Variants in MAP3K20 observed in about 807,000 individuals in gnomAD.
The protein encoded by MAP3K20 is mitogen-activated protein kinase kinase kinase 20.
In MAP3K20, 40 loss-of-function variants were observed where a neutral mutation model predicts 85.7. The ratio of observed to expected loss-of-function variants is 0.47; its 90% CI spans 0.36 to 0.61. The LOEUF (loss-of-function observed/expected upper bound fraction) is 0.61, where lower values mean the gene tolerates loss of function less well. Ranked by LOEUF, MAP3K20 falls within the 20% of genes least tolerant of loss-of-function variation. The probability of loss-of-function intolerance (pLI) is 0.00; values close to 1 mark genes in which losing one functional copy is unlikely to be tolerated. For synonymous variants in MAP3K20, 325 were observed against 327.7 expected (o/e 0.99, Z 0.09); for missense variants, 817 against 961.7 (o/e 0.85, Z 1.99).
chr2:173,098,751 A>G (rs1687539370), intron 2 of MAP3K20, among the ~76,000 whole-genome samples: 1 of 152,200 alleles, frequency 6.6e-6, no homozygotes. Flanking sequence ...ATAATCTCAT[A>G]TAAAATTTTT....
intron 2 of MAP3K20, among the ~76,000 whole-genome samples, chr2:173,104,959 C>A (rs189591172): frequency 6.6e-6 from 1 of 152,096 alleles, no homozygotes; most frequent in African/African-American, 2.4e-5. Context: ...AGGGGGCCAT[C>A]GTAGCTGGAG....
chr2:173,082,784 C>A (rs1687046862), intron 1 of MAP3K20, among the ~76,000 whole-genome samples: 1 of 152,252 alleles, frequency 6.6e-6, no homozygotes. Context: ...ACACAACAAG[C>A]CCACGCAGCG....
At chr2:173,194,473 T>C (rs1690760490) in intron 7 of MAP3K20, among the ~76,000 whole-genome samples, 1 of 152,102 alleles carries the variant, frequency 6.6e-6, no homozygotes, top group South Asian at 2.1e-4. Context: ...GTGTTCAAAG[T>C]AGATGTTATA....
chr2:173,217,287 G>C (rs955467751), intron 11 of MAP3K20, 37 bp downstream of exon 11: 2 of 1,481,946 alleles, frequency 1.3e-6, no homozygotes, highest in East Asian at 4.9e-5. Flanking sequence ...TTCCACATGC[G>C]GCTCTAGGCT....
chr2:173,200,140 G>A (rs960677854), intron 8 of MAP3K20, among the ~76,000 whole-genome samples: 7 of 152,046 alleles, frequency 4.6e-5, no homozygotes, highest in African/African-American at 1.7e-4. Flanking sequence ...AGTAAAATTG[G>A]GTATTACAAG....
chr2:173,182,957 T>A lies in MAP3K20; in HGVS notation c.349+2T>A, dbSNP rs1690372849. The A allele has an allele frequency of 6.2e-7, 1 of 1,601,090 alleles. No homozygotes were observed. Among genetic ancestry groups the A allele is most frequent in the African/African-American group, 1.3e-5 (1 of 74,414 alleles). ...CCTGGGCCACTGATGTAGCCAAAGGTAATAATATTTGGTATATTCTTATAG... is the reference window on the plus strand; with the variant it reads ...CCTGGGCCACTGATGTAGCCAAAGGAAATAATATTTGGTATATTCTTATAG... On this transcript the variant is annotated splice_donor_variant, in intron 4 of 19. Coordinates refer to ENST00000375213, the MANE Select transcript of MAP3K20 (RefSeq NM_016653.3). LOFTEE classifies it high-confidence loss of function.
chr2:173,147,603 T>C (rs941999128), intron 2 of MAP3K20, among the ~76,000 whole-genome samples: 1 of 152,192 alleles, frequency 6.6e-6, no homozygotes, highest in African/African-American at 2.4e-5. Context: ...TTTTTCTTTT[T>C]TTGAGACGGA....
At chr2:173,187,471 C>A in intron 4 of MAP3K20, 87 bp from the exon 5 acceptor site, 1 of 1,135,662 alleles carries the variant, frequency 8.8e-7, no homozygotes, top group South Asian at 1.6e-5. Context: ...AGTTTCTGCT[C>A]TTGAGTTCTT....
chr2:173,243,681 T>C (rs913729440), intron 16 of MAP3K20, among the ~76,000 whole-genome samples: 2 of 152,166 alleles, frequency 1.3e-5, no homozygotes, highest in Non-Finnish European at 1.5e-5. Context: ...GCAGTGGCGC[T>C]ATCTCGGCTC....
At chr2:173,226,270 T>C (rs1373106144) in intron 11 of MAP3K20, 13 of 985,314 alleles carry the variant, frequency 1.3e-5, no homozygotes, top group Non-Finnish European at 1.4e-5. Flanking sequence ...AGAGTTTTCA[T>C]TGGAATGGTA....
rs760224657 is a variant in MAP3K20 at position 173,197,990 on chromosome 2, T to C, written c.583-36T>C. The C allele has an allele frequency of 3.8e-6, 6 of 1,586,042 alleles. No homozygotes were observed. In the East Asian group the frequency reaches 1.4e-4, roughly 36 times the overall value. ...GTAATATGTACCAAAAAATATAAAG[T>C]ACAAAAATAAAAATTCCATTTTCTT... On this transcript the variant is annotated intron_variant, in intron 7 of 19. Coordinates refer to ENST00000375213, the MANE Select transcript of MAP3K20 (RefSeq NM_016653.3).
intron 5 of MAP3K20, among the ~76,000 whole-genome samples, chr2:173,189,669 G>A (rs767709201): frequency 1.3e-5 from 2 of 152,018 alleles, no homozygotes; most frequent in Non-Finnish European, 2.9e-5. Context: ...CTTTTACTGA[G>A]TGGCAATACT....
intron 2 of MAP3K20, among the ~76,000 whole-genome samples, chr2:173,101,132 A>G (rs1406753975): frequency 6.6e-6 from 1 of 152,222 alleles, no homozygotes; most frequent in Non-Finnish European, 1.5e-5. Context: ...TAGGACCTAG[A>G]GGAATTTGGA....
chr2:173,084,456 G>A (rs1687093779), intron 1 of MAP3K20, among the ~76,000 whole-genome samples: 1 of 148,722 alleles, frequency 6.7e-6, no homozygotes, highest in Non-Finnish European at 1.5e-5. Flanking sequence ...TTGTGTTTTA[G>A]CAATTTAAAT....
intron 2 of MAP3K20, among the ~76,000 whole-genome samples, chr2:173,093,112 AC>A (rs1316653070): frequency 6.6e-6 from 1 of 152,212 alleles, no homozygotes; most frequent in African/African-American, 2.4e-5. Flanking sequence ...TGAGTTTAAG[AC>A]ATAAAAAGTT....
chr2:173,195,238 T>C (rs1030093572), intron 7 of MAP3K20, among the ~76,000 whole-genome samples: 1 of 149,834 alleles, frequency 6.7e-6, no homozygotes, highest in East Asian at 2.0e-4. Flanking sequence ...CAGAAAGGAT[T>C]ACCTTCTTAG....
At chr2:173,162,003 T>C (rs1559258416) in intron 2 of MAP3K20, among the ~76,000 whole-genome samples, 2 of 152,218 alleles carry the variant, frequency 1.3e-5, no homozygotes. Flanking sequence ...TTATATATAT[T>C]ACATATAACA....
At chr2:173,090,059 A>G (rs9636294) in intron 1 of MAP3K20, among the ~76,000 whole-genome samples, 64,340 of 152,146 alleles carry the variant, frequency 0.42, 14,886 homozygotes, top group African/African-American at 0.6. Flanking sequence ...TATAAACCAC[A>G]TAAAATAGTA....
chr2:173,166,820 A>C (rs1689837473), intron 2 of MAP3K20: 1 of 151,944 alleles, frequency 6.6e-6, no homozygotes, highest in Admixed American at 6.6e-5. Flanking sequence ...CATTTGCTAG[A>C]TTATCCCAGA....
Sources: gnomAD v4.1 joint callset for allele counts (sites outside exome capture counted in the v4.1 genomes callset) on GRCh38, gnomAD v4.1.1 for gene constraint, MANE v1.5 for transcripts, NCBI Gene and HGNC (gene_info 2026-07-23, HGNC 2026-07-21) for gene names.